Variants in CNOT2 observed in about 807,000 individuals in gnomAD.
CNOT2 encodes the protein CCR4-NOT transcription complex subunit 2, also known as CC chemokine receptor 4-negative regulator of transcription 2.
In CNOT2, 7 loss-of-function variants were observed where a neutral mutation model predicts 72.1. That is an observed-to-expected ratio of 0.10 (90% CI 0.06 to 0.18). CNOT2 has a LOEUF of 0.18. Among genes scored for constraint, CNOT2 ranks in the 10% least tolerant of loss-of-function variants. The pLI is 1.00. For synonymous variants in CNOT2, 196 were observed against 225.6 expected (o/e 0.87, Z 1.17); for missense variants, 345 against 660.3 (o/e 0.52, Z 5.23).
In CNOT2 at chr12:70,250,995, G is replaced by T. The variant is rs1268371505; in HGVS notation, c.-96+7515G>T. Reference sequence around the variant, plus strand: ...CTTGAAATTGTTTTCTACATCAGATGAATTGCAGGGGTTGAGGGGTGGTCT... The same window carrying T: ...CTTGAAATTGTTTTCTACATCAGATTAATTGCAGGGGTTGAGGGGTGGTCT... On this transcript the variant is annotated intron_variant, in intron 1 of 15. Transcript: ENST00000229195. Among the ~76,000 whole-genome samples the T allele has an allele frequency of 2.6e-5, 4 of 152,240 alleles. No homozygotes were observed. The East Asian group carries it at 7.7e-4, about 29-fold the overall frequency.
chr12:70,278,846 G>C (rs1219599686), intron 2 of CNOT2, among the ~76,000 whole-genome samples: 1 of 152,118 alleles, frequency 6.6e-6, no homozygotes, highest in Non-Finnish European at 1.5e-5. Context: ...GTGTAGGAAG[G>C]CTGGAAGAAT....
chr12:70,259,509 T>A (rs573142482), intron 1 of CNOT2, among the ~76,000 whole-genome samples: 7 of 152,166 alleles, frequency 4.6e-5, no homozygotes, highest in Non-Finnish European at 1.0e-4. Flanking sequence ...GTTCACTGAT[T>A]CCATGGAGAC....
At chr12:70,303,319 C>G (rs1267978235) in intron 2 of CNOT2, among the ~76,000 whole-genome samples, 1 of 152,178 alleles carries the variant, frequency 6.6e-6, no homozygotes, top group South Asian at 2.1e-4. Context: ...CCTTGATGGT[C>G]TTTACAATTT....
intron 2 of CNOT2, among the ~76,000 whole-genome samples, chr12:70,289,022 T>A (rs771670038): frequency 2.6e-5 from 4 of 151,994 alleles, no homozygotes; most frequent in African/African-American, 4.8e-5. Flanking sequence ...GCTTTTTTTT[T>A]ATTCCCTCCC....
intron 2 of CNOT2, among the ~76,000 whole-genome samples, chr12:70,308,584 T>TCTCTCACA (rs550679130): frequency 1.5e-3 from 201 of 133,312 alleles, no homozygotes; most frequent in African/African-American, 3.4e-3. Context: ...TCTCTCTCTC[T>TCTCTCACA]CACACACACA....
At chr12:70,345,248 T>C (rs1490871135) in intron 14 of CNOT2, 1 of 152,214 alleles carries the variant, frequency 6.6e-6, no homozygotes, top group African/African-American at 2.4e-5. Context: ...AACATTTCTA[T>C]AAATGGCTTT....
At chr12:70,308,934 C>T (rs1246165519) in intron 2 of CNOT2, among the ~76,000 whole-genome samples, 1 of 151,972 alleles carries the variant, frequency 6.6e-6, no homozygotes, top group Non-Finnish European at 1.5e-5. Flanking sequence ...CATGTTTATT[C>T]TTTCTTAGAA....
At position 70,330,273 on chromosome 12, in the gene CNOT2, G is replaced by C. The variant is rs11615947; in HGVS notation, c.387-14G>C. On this transcript the variant is annotated splice_polypyrimidine_tract_variant and intron_variant, in intron 5 of 15. Coordinates refer to ENST00000229195, the MANE Select transcript of CNOT2 (RefSeq NM_014515.7). Reference sequence around the variant, plus strand: ...TGTAGAGAGCTTATTTAGTATAATGGACTTCTTTTTCAGGGGTATTTTGCC... The same window carrying C: ...TGTAGAGAGCTTATTTAGTATAATGCACTTCTTTTTCAGGGGTATTTTGCC... The C allele has an allele frequency of 7.0e-7, 1 of 1,432,412 alleles. No homozygotes were observed. Among genetic ancestry groups the C allele is most frequent in the Non-Finnish European group, 9.8e-7 (1 of 1,024,126 alleles). The allele number at this position is 1,432,412 out of a possible 1,614,324, so 88.7% of individuals were successfully genotyped here.
At chr12:70,289,492 A>T (rs2135858313) in intron 2 of CNOT2, among the ~76,000 whole-genome samples, 1 of 152,198 alleles carries the variant, frequency 6.6e-6, no homozygotes, top group Admixed American at 6.5e-5. Context: ...GTTTATACAA[A>T]TTTAGGAATT....
At chr12:70,316,380 C>T (rs1877336603) in intron 3 of CNOT2, among the ~76,000 whole-genome samples, 1 of 152,094 alleles carries the variant, frequency 6.6e-6, no homozygotes, top group Admixed American at 6.6e-5. Context: ...TCATAAAAAG[C>T]ATTTCTGTGA....
intron 1 of CNOT2, among the ~76,000 whole-genome samples, chr12:70,254,043 C>A (rs1170012785): frequency 6.6e-6 from 1 of 152,060 alleles, no homozygotes; most frequent in Non-Finnish European, 1.5e-5. Context: ...TTGAGACCAT[C>A]CTGGCTAGCA....
At chr12:70,245,051 T>C (rs1427279076) in intron 1 of CNOT2, among the ~76,000 whole-genome samples, 1 of 152,342 alleles carries the variant, frequency 6.6e-6, no homozygotes, top group East Asian at 1.9e-4. Flanking sequence ...CAAACGTCAA[T>C]GAATAAATCT....
chr12:70,253,235 A>G (rs1349434998), intron 1 of CNOT2, among the ~76,000 whole-genome samples: 2 of 152,216 alleles, frequency 1.3e-5, no homozygotes, highest in Admixed American at 6.5e-5. Flanking sequence ...TTCAACCTGA[A>G]TAGTGCAGAG....
At chr12:70,345,909 CTT>C (rs1882103496) in intron 14 of CNOT2, 1 of 281,578 alleles carries the variant, frequency 3.6e-6, no homozygotes. Context: ...GCTTATAAAA[CTT>C]TTAAAATCCT....
chr12:70,302,875 A>G (rs1874348156), intron 2 of CNOT2, among the ~76,000 whole-genome samples: 1 of 152,092 alleles, frequency 6.6e-6, no homozygotes, highest in African/African-American at 2.4e-5. Flanking sequence ...GTCACTAAGG[A>G]CTTGCTTTAT....
At chr12:70,248,696 T>A (rs1332353198) in intron 1 of CNOT2, among the ~76,000 whole-genome samples, 1 of 152,096 alleles carries the variant, frequency 6.6e-6, no homozygotes, top group South Asian at 2.1e-4. Context: ...TTAGTAGATA[T>A]GCTAATATTG....
chr12:70,313,953 A>G (rs1327116717), intron 3 of CNOT2, among the ~76,000 whole-genome samples: 2 of 152,176 alleles, frequency 1.3e-5, no homozygotes, highest in Non-Finnish European at 2.9e-5. Context: ...GAACTACAAC[A>G]TAATTGAATT....
At chr12:70,251,430 C>T (rs1958137642) in intron 1 of CNOT2, among the ~76,000 whole-genome samples, 1 of 152,066 alleles carries the variant, frequency 6.6e-6, no homozygotes, top group Non-Finnish European at 1.5e-5. Flanking sequence ...GGTAATCCTC[C>T]ATAGCCCTTG....
intron 2 of CNOT2, among the ~76,000 whole-genome samples, chr12:70,304,445 G>A (rs1246907230): frequency 6.6e-6 from 1 of 152,226 alleles, no homozygotes; most frequent in African/African-American, 2.4e-5. Flanking sequence ...CTGCAGGTCT[G>A]TTGGAGTTTG....
Sources: gnomAD v4.1 joint callset for allele counts (sites outside exome capture counted in the v4.1 genomes callset) on GRCh38, gnomAD v4.1.1 for gene constraint, MANE v1.5 for transcripts, NCBI Gene and HGNC (gene_info 2026-07-23, HGNC 2026-07-21) for gene names.